ERC1: variants seen among roughly 807,000 people sequenced by gnomAD.
ERC1 encodes the protein ELKS/RAB6-interacting/CAST family member 1, also known as RAB6 interacting protein 2.
Under a neutral mutation model 132.0 loss-of-function variants are expected in ERC1, and 56 were observed. That is an observed-to-expected ratio of 0.42 (90% CI 0.34 to 0.53). The LOEUF is 0.53. ERC1 is among the 20% of genes least tolerant of loss of function. The pLI is 0.03. For synonymous variants in ERC1, 478 were observed against 476.1 expected, an observed-to-expected ratio of 1.00 and a Z score of -0.05; for missense variants, 1,202 against 1,349.9, an observed-to-expected ratio of 0.89 and a Z score of 1.72.
chr12:1,119,142 G>C (rs574658929), intron 7 of ERC1, among the ~76,000 whole-genome samples: 1 of 152,176 alleles, frequency 6.6e-6, no homozygotes, highest in Non-Finnish European at 1.5e-5. Context: ...GCCTCCCAAA[G>C]TGCTCGGATT....
intron 18 of ERC1, among the ~76,000 whole-genome samples, chr12:1,471,490 T>C (rs2093860693): frequency 6.6e-6 from 1 of 152,206 alleles, no homozygotes; most frequent in Non-Finnish European, 1.5e-5. Context: ...AAAGCAAACA[T>C]TTGTTCTGGA....
intron 15 of ERC1, among the ~76,000 whole-genome samples, chr12:1,308,152 T>TG (rs2081019118): frequency 6.6e-6 from 1 of 152,154 alleles, no homozygotes; most frequent in Admixed American, 6.5e-5. Context: ...ATCAGTGGGC[T>TG]GCCAAACAGT....
intron 14 of ERC1, among the ~76,000 whole-genome samples, chr12:1,279,653 G>A (rs1327027048): frequency 7.3e-6 from 1 of 136,210 alleles, no homozygotes; most frequent in African/African-American, 2.7e-5. Flanking sequence ...GGTTTTCAAA[G>A]CAGACTTTTT....
chr12:1,151,266 C>T (rs1950809802), intron 8 of ERC1, among the ~76,000 whole-genome samples: 1 of 152,140 alleles, frequency 6.6e-6, no homozygotes, highest in Non-Finnish European at 1.5e-5. Context: ...TGGGGGAGAT[C>T]AGGGATTTTA....
At chr12:1,481,739 C>A (rs1592317784) in intron 18 of ERC1, among the ~76,000 whole-genome samples, 1 of 152,290 alleles carries the variant, frequency 6.6e-6, no homozygotes. Context: ...ATACGTTAGA[C>A]CCTGGAAAAG....
intron 2 of ERC1, among the ~76,000 whole-genome samples, chr12:1,082,349 T>C (rs574402878): frequency 6.6e-6 from 1 of 150,908 alleles, no homozygotes; most frequent in South Asian, 2.1e-4. Context: ...TTAGTAGAGA[T>C]GGGGTTTTAT....
At chr12:1,031,058 A>T (rs1169717348) in intron 2 of ERC1, among the ~76,000 whole-genome samples, 2 of 152,154 alleles carry the variant, frequency 1.3e-5, no homozygotes, top group African/African-American at 4.8e-5. Flanking sequence ...CATTCTTACT[A>T]TTATGCAGTC....
At chr12:1,139,185 G>C (rs1185075683) in intron 7 of ERC1, among the ~76,000 whole-genome samples, 3 of 152,114 alleles carry the variant, frequency 2.0e-5, no homozygotes, top group Non-Finnish European at 4.4e-5. Flanking sequence ...TTTAAGTTAA[G>C]CTTTTTTTTA....
chr12:1,072,826 G>A (rs957155559), intron 2 of ERC1, among the ~76,000 whole-genome samples: 3 of 152,080 alleles, frequency 2.0e-5, no homozygotes, highest in Admixed American at 6.5e-5. Flanking sequence ...CCTAGTAGCT[G>A]GGATTACAGG....
At chr12:998,140 T>G (rs1021460202) in intron 1 of ERC1, among the ~76,000 whole-genome samples, 1 of 152,228 alleles carries the variant, frequency 6.6e-6, no homozygotes, top group African/African-American at 2.4e-5. Context: ...CTCAACCTAT[T>G]TCTGTCTTGT....
At chr12:1,073,418 A>T (rs10848432) in intron 2 of ERC1, among the ~76,000 whole-genome samples, 1 of 152,176 alleles carries the variant, frequency 6.6e-6, no homozygotes, top group Non-Finnish European at 1.5e-5. Flanking sequence ...ATCCAGCACC[A>T]AGGTGGGCGG....
chr12:1,007,092 A>AG (rs1963775108), intron 1 of ERC1, among the ~76,000 whole-genome samples: 1 of 152,092 alleles, frequency 6.6e-6, no homozygotes, highest in Non-Finnish European at 1.5e-5. Flanking sequence ...GCTGGTGACC[A>AG]GGGAGGGAGA....
intron 15 of ERC1, among the ~76,000 whole-genome samples, chr12:1,325,199 C>T (rs989389064): frequency 1.3e-5 from 2 of 152,180 alleles, no homozygotes; most frequent in Non-Finnish European, 2.9e-5. Flanking sequence ...CTATTATTCC[C>T]ACCCATGTTT....
intron 2 of ERC1, among the ~76,000 whole-genome samples, chr12:1,040,961 A>G (rs1349341817): frequency 1.3e-5 from 2 of 152,168 alleles, no homozygotes; most frequent in Admixed American, 6.6e-5. Context: ...AATGATCCTC[A>G]GATACTTGAA....
chr12:1,155,314 CAAAAA>C (rs151006544), intron 8 of ERC1, among the ~76,000 whole-genome samples: 1 of 55,092 alleles, frequency 1.8e-5, no homozygotes, highest in Non-Finnish European at 3.5e-5. Flanking sequence ...GACTTCATCT[CAAAAA>C]AAAAAAAAAA....
intron 8 of ERC1, among the ~76,000 whole-genome samples, chr12:1,176,623 C>A (rs1416122539): frequency 1.3e-5 from 2 of 151,788 alleles, no homozygotes; most frequent in African/African-American, 4.8e-5. Flanking sequence ...CTTCGTTGCC[C>A]AGGCTGGAGT....
chr12:1,165,558 G>A lies in ERC1; in HGVS notation c.1738-14982G>A, dbSNP rs148727253. On this transcript the variant is annotated intron_variant, in intron 8 of 18. Coordinates refer to ENST00000360905, the MANE Select transcript of ERC1 (RefSeq NM_178040.4). ...CCTGACCTCATGATCCACCCGCCTCGGCCTCCCAAAGTGCTGGGATTACCT... is the reference window on the plus strand; with the variant it reads ...CCTGACCTCATGATCCACCCGCCTCAGCCTCCCAAAGTGCTGGGATTACCT... Among the ~76,000 whole-genome samples, 1,464 of 151,934 alleles carry A rather than the reference G, an allele frequency of 9.6e-3. 20 individuals carry two copies. The highest frequency in any genetic ancestry group is 0.032 in the African/African-American group (1,336 of 41,434).
At chr12:1,355,811 T>C (rs1037443466) in intron 15 of ERC1, among the ~76,000 whole-genome samples, 1 of 152,002 alleles carries the variant, frequency 6.6e-6, no homozygotes, top group Non-Finnish European at 1.5e-5. Flanking sequence ...ATTAGCTGAA[T>C]TGAGGGTGGA....
At chr12:1,344,044 T>A (rs150001509) in intron 15 of ERC1, among the ~76,000 whole-genome samples, 2,364 of 152,256 alleles carry the variant, frequency 0.016, 29 homozygotes, top group Non-Finnish European at 0.027. Flanking sequence ...GGTTTCACCG[T>A]GTTAGCCAGG....
Sources: gnomAD v4.1 joint callset for allele counts (sites outside exome capture counted in the v4.1 genomes callset) on GRCh38, gnomAD v4.1.1 for gene constraint, MANE v1.5 for transcripts, NCBI Gene and HGNC (gene_info 2026-07-23, HGNC 2026-07-21) for gene names.